RBFOX1: variants seen among roughly 807,000 people sequenced by gnomAD.
RBFOX1 encodes the protein RNA binding protein fox-1 homolog 1.
RBFOX1 carries 8 observed loss-of-function variants against 57.7 expected under a neutral mutation model. That is an observed-to-expected ratio of 0.14 (90% CI 0.08 to 0.25). The LOEUF is 0.25. Among genes scored for constraint, RBFOX1 ranks in the 10% least tolerant of loss-of-function variants. RBFOX1 has a pLI of 1.00. For missense variants in RBFOX1, 611 were observed against 548.5 expected (o/e 1.11, Z -1.14); for synonymous variants, 326 against 222.4 (o/e 1.47, Z -4.15).
At chr16:7,326,489 T>A (rs1420939983) in intron 4 of RBFOX1, among the ~76,000 whole-genome samples, 1 of 152,054 alleles carries the variant, frequency 6.6e-6, no homozygotes, top group African/African-American at 2.4e-5. Context: ...AGAGCTGCCA[T>A]GATGAGCAGA....
intron 2 of RBFOX1, among the ~76,000 whole-genome samples, chr16:6,495,542 T>C (rs2095747675): frequency 6.6e-6 from 1 of 152,186 alleles, no homozygotes; most frequent in Non-Finnish European, 1.5e-5. Flanking sequence ...GATATCACCC[T>C]GAAAAGAAAT....
rs555920945 is a variant in RBFOX1, at chr16:6,323,269, C to G, written c.-64+6212C>G. ...GTAGCATGGGTAAGGAAGAGGGAAGCCCAGGCAGCACCCCACTGTCAGCCT... is the reference window on the plus strand; with the variant it reads ...GTAGCATGGGTAAGGAAGAGGGAAGGCCAGGCAGCACCCCACTGTCAGCCT... On this transcript the variant is annotated intron_variant, in intron 2 of 15. Transcript: ENST00000550418. 2.0e-5 allele frequency among the ~76,000 whole-genome samples: 3 copies of G among 152,218 alleles called. No individual in the cohort carries two copies. The East Asian group carries it at 5.8e-4, about 29-fold the overall frequency.
chr16:6,758,245 C>T (rs2076101177), intron 3 of RBFOX1, among the ~76,000 whole-genome samples: 1 of 152,038 alleles, frequency 6.6e-6, no homozygotes, highest in Non-Finnish European at 1.5e-5. Flanking sequence ...CTATCAGAAT[C>T]AGTCCTCTGC....
At chr16:7,082,272 G>A (rs1466664009) in intron 4 of RBFOX1, among the ~76,000 whole-genome samples, 3 of 152,080 alleles carry the variant, frequency 2.0e-5, no homozygotes, top group African/African-American at 4.8e-5. Flanking sequence ...GTGATGTCCT[G>A]TAAACACATA....
At chr16:5,846,829 C>A (rs1219726435) in intron 3 of RBFOX1, among the ~76,000 whole-genome samples, 1 of 152,222 alleles carries the variant, frequency 6.6e-6, no homozygotes, top group African/African-American at 2.4e-5. Context: ...GCTTGCTTCA[C>A]TGGGGACTTG....
intron 2 of RBFOX1, among the ~76,000 whole-genome samples, chr16:6,624,597 C>A (rs1387517172): frequency 2.0e-5 from 3 of 152,018 alleles, no homozygotes; most frequent in African/African-American, 7.2e-5. Context: ...AAGACTGTAC[C>A]CTAAAAGTAG....
At chr16:5,384,129 G>C (rs553100296) in intron 1 of RBFOX1, among the ~76,000 whole-genome samples, 189 of 152,340 alleles carry the variant, frequency 1.2e-3, no homozygotes, top group Non-Finnish European at 2.3e-3. Flanking sequence ...TACTGGCTTT[G>C]ATTGGGTCAT....
At chr16:6,949,213 G>A (rs1276567018) in intron 3 of RBFOX1, among the ~76,000 whole-genome samples, 1 of 151,990 alleles carries the variant, frequency 6.6e-6, no homozygotes, top group Non-Finnish European at 1.5e-5. Context: ...TAAATTCCAG[G>A]ATATAGAAAC....
chr16:6,609,949 C>T (rs926666352), intron 2 of RBFOX1, among the ~76,000 whole-genome samples: 18 of 151,828 alleles, frequency 1.2e-4, no homozygotes, highest in African/African-American at 2.7e-4. Context: ...TGGAGGTTGC[C>T]GTGAGCCGAG....
chr16:6,389,736 C>T (rs1329771575), intron 2 of RBFOX1, among the ~76,000 whole-genome samples: 2 of 152,104 alleles, frequency 1.3e-5, no homozygotes, highest in Admixed American at 6.5e-5. Context: ...GCTGTAGCCA[C>T]CAAATAAATC....
At chr16:5,842,073 T>C (rs779031706) in intron 3 of RBFOX1, among the ~76,000 whole-genome samples, 3 of 152,190 alleles carry the variant, frequency 2.0e-5, no homozygotes, top group South Asian at 2.1e-4. Flanking sequence ...ATCTCTGCCC[T>C]GAATCATGGA....
intron 2 of RBFOX1, among the ~76,000 whole-genome samples, chr16:6,585,024 G>C (rs1209371659): frequency 6.6e-6 from 1 of 152,158 alleles, no homozygotes; most frequent in Non-Finnish European, 1.5e-5. Context: ...TTCCCAGGCA[G>C]AACCTGGTCA....
intron 4 of RBFOX1, among the ~76,000 whole-genome samples, chr16:7,093,036 T>G (rs2061122297): frequency 6.6e-6 from 1 of 152,228 alleles, no homozygotes; most frequent in Non-Finnish European, 1.5e-5. Context: ...GAAATTTTCG[T>G]TTTTTATTCC....
intron 1 of RBFOX1, among the ~76,000 whole-genome samples, chr16:5,356,922 G>A (rs2065404768): frequency 2.0e-5 from 3 of 152,314 alleles, no homozygotes; most frequent in African/African-American, 7.2e-5. Context: ...CCTGGCATTA[G>A]GCTAATTGCT....
chr16:5,597,015 A>G (rs2047204409), intron 2 of RBFOX1, among the ~76,000 whole-genome samples: 1 of 152,162 alleles, frequency 6.6e-6, no homozygotes, highest in African/African-American at 2.4e-5. Flanking sequence ...CTACTAGAAA[A>G]CTGCAAAAAG....
intron 2 of RBFOX1, among the ~76,000 whole-genome samples, chr16:5,542,244 ATTTTTTT>A (rs5815254): frequency 2.6e-3 from 321 of 122,568 alleles, no homozygotes; most frequent in Non-Finnish European, 4.4e-3. Flanking sequence ...ACAGGTATTG[ATTTTTTT>A]TTTTTTTTTT....
chr16:7,051,014 G>A (rs527710821), intron 3 of RBFOX1, among the ~76,000 whole-genome samples: 7 of 151,944 alleles, frequency 4.6e-5, no homozygotes, highest in Admixed American at 1.3e-4. Flanking sequence ...TACAAAATGC[G>A]TAAAATATAC....
At chr16:6,277,111 C>T (rs916374205) in intron 1 of RBFOX1, among the ~76,000 whole-genome samples, 4 of 152,006 alleles carry the variant, frequency 2.6e-5, no homozygotes, top group African/African-American at 4.8e-5. Flanking sequence ...ACACAATTGC[C>T]GGAGGTTCAG....
At chr16:6,842,296 CTTAA>C (rs139551483) in intron 3 of RBFOX1, among the ~76,000 whole-genome samples, 10,716 of 151,958 alleles carry the variant, frequency 0.071, 537 homozygotes, top group Non-Finnish European at 0.11. Flanking sequence ...AAACAACTTT[CTTAA>C]TTATTTTTTT....
Sources: allele counts gnomAD v4.1 joint callset (sites outside exome capture counted in the v4.1 genomes callset), GRCh38; gene constraint gnomAD v4.1.1; transcripts MANE v1.5; gene names NCBI Gene and HGNC (gene_info 2026-07-23, HGNC 2026-07-21).